The following CCDC102B variants were observed in gnomAD, a reference collection of about 807,000 sequenced individuals.
The protein encoded by CCDC102B is coiled-coil domain containing 102B.
Under a neutral mutation model 57.4 loss-of-function variants are expected in CCDC102B, and 75 were observed. The observed-to-expected ratio is 1.31, with a 90% CI of 1.08 to 1.58. CCDC102B has a LOEUF of 1.58. Ranked by LOEUF, CCDC102B falls within the 40% of genes most tolerant of loss-of-function variation. The pLI is 0.00. For missense variants in CCDC102B, 636 were observed against 582.6 expected (o/e 1.09, Z -0.94); for synonymous variants, 206 against 201.9 (o/e 1.02, Z -0.17).
intron 6 of CCDC102B, among the ~76,000 whole-genome samples, chr18:68,959,885 G>A (rs538716553): frequency 1.3e-5 from 2 of 152,184 alleles, no homozygotes; most frequent in East Asian, 3.9e-4. Flanking sequence ...TCTCTTCAGG[G>A]TAGTGGGCTC....
At chr18:68,962,027 G>C (rs972041405) in intron 6 of CCDC102B, among the ~76,000 whole-genome samples, 1 of 151,972 alleles carries the variant, frequency 6.6e-6, no homozygotes, top group Non-Finnish European at 1.5e-5. Context: ...TTTTTTGCTA[G>C]TATATCCTGA....
intron 1 of CCDC102B, among the ~76,000 whole-genome samples, chr18:68,831,217 A>G (rs932636193): frequency 1.3e-5 from 2 of 152,034 alleles, no homozygotes; most frequent in Non-Finnish European, 2.9e-5. Context: ...TTTTATCACT[A>G]TTTTTTCTCA....
At chr18:68,780,016 C>T (rs965968503) in intron 2 of CCDC102B, among the ~76,000 whole-genome samples, 1 of 152,132 alleles carries the variant, frequency 6.6e-6, no homozygotes, top group African/African-American at 2.4e-5. Context: ...GCAGTCACTC[C>T]TGATCTCTCG....
chr18:68,887,893 A>G (rs145704618), intron 5 of CCDC102B, among the ~76,000 whole-genome samples: 1 of 152,344 alleles, frequency 6.6e-6, no homozygotes, highest in Non-Finnish European at 1.5e-5. Context: ...TGATGGTGAT[A>G]TCTTGACACC....
At chr18:68,807,216 T>G (rs2036065984) in intron 1 of CCDC102B, among the ~76,000 whole-genome samples, 3 of 152,112 alleles carry the variant, frequency 2.0e-5, no homozygotes, top group Non-Finnish European at 2.9e-5. Flanking sequence ...TAGAAACAAC[T>G]GGGACCAATA....
At chr18:68,923,125 A>G (rs1273669276) in intron 6 of CCDC102B, among the ~76,000 whole-genome samples, 1 of 152,014 alleles carries the variant, frequency 6.6e-6, no homozygotes, top group African/African-American at 2.4e-5. Flanking sequence ...ATCTCTGTTA[A>G]ATGAAAACAT....
At chr18:68,835,800 T>C (rs922105419) in intron 1 of CCDC102B, among the ~76,000 whole-genome samples, 4 of 152,214 alleles carry the variant, frequency 2.6e-5, no homozygotes, top group African/African-American at 7.2e-5. Flanking sequence ...TATGTCCTTA[T>C]TCAAACACAC....
intron 7 of CCDC102B, among the ~76,000 whole-genome samples, chr18:69,027,715 A>T (rs1031049973): frequency 7.2e-5 from 11 of 152,088 alleles, no homozygotes; most frequent in Non-Finnish European, 1.5e-4. Context: ...TTATAGGAAA[A>T]CAATTTCATA....
chr18:68,810,795 T>C (rs8094318), intron 1 of CCDC102B, among the ~76,000 whole-genome samples: 25,885 of 149,306 alleles, frequency 0.17, 2,525 homozygotes, highest in East Asian at 0.36. Flanking sequence ...CACCCATCAA[T>C]GCATCTTCTA....
chr18:69,032,166 CA>C (rs761315084), intron 7 of CCDC102B, among the ~76,000 whole-genome samples: 1 of 152,076 alleles, frequency 6.6e-6, no homozygotes, highest in East Asian at 1.9e-4. Flanking sequence ...AATGTCCAGA[CA>C]AAGAGGCACA....
chr18:68,924,565 A>G (rs1599699870), intron 6 of CCDC102B, among the ~76,000 whole-genome samples: 1 of 152,192 alleles, frequency 6.6e-6, no homozygotes, highest in East Asian at 1.9e-4. Context: ...AAAATGGACT[A>G]ATAAACACCC....
chr18:69,057,988 T>C (rs114050175), downstream of CCDC102B, among the ~76,000 whole-genome samples: 943 of 152,110 alleles, frequency 6.2e-3, 7 homozygotes, highest in African/African-American at 0.022. Flanking sequence ...AACCCTCACC[T>C]AACTCCCACC....
chr18:69,030,201 T>A (rs111451457), intron 7 of CCDC102B, among the ~76,000 whole-genome samples: 2,691 of 152,326 alleles, frequency 0.018, 85 homozygotes, highest in African/African-American at 0.061. Context: ...AAAATATTTT[T>A]AAAAATTACT....
intron 7 of CCDC102B, among the ~76,000 whole-genome samples, chr18:69,047,482 A>C (rs1321766084): frequency 2.6e-5 from 4 of 152,154 alleles, no homozygotes; most frequent in African/African-American, 9.7e-5. Context: ...AACCAGTACA[A>C]GATAAAGATG....
At chr18:68,785,448 T>G (rs1356388046) in intron 2 of CCDC102B, among the ~76,000 whole-genome samples, 3 of 152,028 alleles carry the variant, frequency 2.0e-5, no homozygotes, top group South Asian at 2.1e-4. Context: ...CTACCAACAG[T>G]GTAAAAGTGT....
chr18:68,884,611 C>T (rs1373859201), intron 5 of CCDC102B, among the ~76,000 whole-genome samples: 19 of 150,342 alleles, frequency 1.3e-4, no homozygotes, highest in African/African-American at 4.7e-4. Context: ...CACACATATA[C>T]ACACACACAT....
intron 2 of CCDC102B, among the ~76,000 whole-genome samples, chr18:68,779,590 TTA>T (rs1354006041): frequency 1.3e-5 from 2 of 152,140 alleles, no homozygotes; most frequent in Non-Finnish European, 2.9e-5. Flanking sequence ...GTACATTTAT[TTA>T]TGTCATGAGT....
In CCDC102B at chr18:69,054,729, C is replaced by T. The variant is rs2052786830; in HGVS notation, c.*592C>T. ...TTTGTATTTTAAAGTAACAGATAAC[C>T]AGTGATTGAATCTAAGACAGGCTGT... is the stretch of plus-strand genomic sequence containing the variant. On this transcript the variant is annotated 3_prime_UTR_variant, in exon 8 of 8. Transcript: ENST00000360242. 2.0e-6 allele frequency: 2 copies of T among 984,970 alleles called. No individual in the cohort carries two copies. The highest frequency in any genetic ancestry group is 1.2e-6 in the Non-Finnish European group (1 of 829,700). The allele number at this position is 984,970 out of a possible 1,614,324, so 61.0% of individuals were successfully genotyped here. A position where few individuals can be genotyped will look rare whatever the true frequency, so the allele number is the denominator to read the frequency against.
In CCDC102B at chr18:69,043,215, C is replaced by T. The variant is rs142718434; in HGVS notation, c.1435-10815C>T. Among the ~76,000 whole-genome samples the T allele has an allele frequency of 6.7e-3, 1,024 of 152,250 alleles. 16 individuals are homozygous for T. Among genetic ancestry groups the T allele is most frequent in the African/African-American group, 0.022 (929 of 41,558 alleles). On this transcript the variant is annotated intron_variant, in intron 7 of 7. Coordinates refer to ENST00000360242, the MANE Select transcript of CCDC102B (RefSeq NM_024781.3). ...AATGCTTTACAAAGCAGTATTGCTGCCCACATGTCCCACCTCCAGCCCTAA... is the reference window on the plus strand; with the variant it reads ...AATGCTTTACAAAGCAGTATTGCTGTCCACATGTCCCACCTCCAGCCCTAA...
Sources: allele counts gnomAD v4.1 joint callset (sites outside exome capture counted in the v4.1 genomes callset), GRCh38; gene constraint gnomAD v4.1.1; transcripts MANE v1.5; gene names NCBI Gene and HGNC (gene_info 2026-07-23, HGNC 2026-07-21).